INCENP: variants seen among roughly 807,000 people sequenced by gnomAD.
INCENP encodes inner centromere protein.
In INCENP, 43 loss-of-function variants were observed where a neutral mutation model predicts 107.3. That is an observed-to-expected ratio of 0.40 (90% CI 0.31 to 0.52). The LOEUF (loss-of-function observed/expected upper bound fraction) is 0.52. Ranked by LOEUF, INCENP falls within the 20% of genes least tolerant of loss-of-function variation. INCENP has a pLI of 0.53. For synonymous variants in INCENP, 488 were observed against 494.4 expected (o/e 0.99, Z 0.17); for missense variants, 1,089 against 1,250.9 (o/e 0.87, Z 1.95).
chr11:62,135,762 G>A (rs1209948597), intron 4 of INCENP, among the ~76,000 whole-genome samples: 1 of 152,122 alleles, frequency 6.6e-6, no homozygotes, highest in Non-Finnish European at 1.5e-5. Flanking sequence ...CCCTGCTGGT[G>A]GTGGATACGC....
In INCENP at chr11:62,130,326, C is replaced by T. The variant is rs753761854; in HGVS notation, c.799C>T (p.Arg267Trp). Residue 267 changes from arginine to tryptophan, a missense_variant, in exon 4 of 19, where the codon CGG (arginine) becomes TGG (tryptophan). Arg to Trp is a moderately radical substitution (Grantham distance 101). Transcript: ENST00000394818. The stretch of plus-strand genomic sequence containing the variant: ...GATTGCGCAGGTCTCCCCTGGCCCA[C>T]GGGACTCGCCAGCCTTTCCAGATTC... ...LRIAQVSPGP[R>W]DSPAFPDSPW... The T allele has an allele frequency of 1.7e-5, 28 of 1,611,460 alleles. No homozygotes were observed. The highest frequency in any genetic ancestry group is 3.3e-5 in the South Asian group (3 of 91,072).
chr11:62,133,656 G>T (rs1943935575), intron 4 of INCENP, among the ~76,000 whole-genome samples: 1 of 152,180 alleles, frequency 6.6e-6, no homozygotes, highest in Admixed American at 6.5e-5. Flanking sequence ...TTGTGCTGGT[G>T]GGAGAGCCAT....
intron 8 of INCENP, 73 bp from the exon 9 acceptor site, chr11:62,140,630 CG>C (rs1158715239): frequency 6.9e-6 from 9 of 1,296,002 alleles, no homozygotes; most frequent in South Asian, 2.6e-5. Context: ...TATTGTTCAC[CG>C]GGGTGACTTT....
chr11:62,151,036 T>C (rs896499992), intron 18 of INCENP, among the ~76,000 whole-genome samples: 2 of 152,164 alleles, frequency 1.3e-5, no homozygotes, highest in African/African-American at 4.8e-5. Flanking sequence ...ATTTGGGAGA[T>C]GGCAGTGAGC....
At position 62,130,531 on chromosome 11, in the gene INCENP, C is replaced by A. The variant is rs372846330; in HGVS notation, c.1004C>A (p.Ala335Glu). The A allele has an allele frequency of 6.2e-7, 1 of 1,614,026 alleles. No individual in the cohort carries two copies. Among genetic ancestry groups the A allele is most frequent in the Non-Finnish European group, 8.5e-7 (1 of 1,180,028 alleles). Residue 335 changes from alanine (A) to glutamate (E), a missense_variant, in exon 4 of 19, where the codon GCG (alanine) becomes GAG (glutamate). Transcript: ENST00000394818. ...AAACAGGAAAGTGTTGTCCGCAGGG[C>A]GAGCAGAAGGCTTGCCAAGAAGACT... ...VAKQESVVRR[A>E]SRRLAKKTAE...
At chr11:62,138,578 G>T in intron 5 of INCENP, 135 bp from the exon 6 acceptor site, 1 of 692,186 alleles carries the variant, frequency 1.4e-6, no homozygotes. Context: ...ACAGGGGGCT[G>T]TGGGTTCGTG....
rs1737820027 is a variant in INCENP, at chr11:62,124,107, C to G, written c.-68C>G. ...TGGGTCTGGGCAAGCGGGGCCTTAC[C>G]TAGGGATACCACCGGACTTGGATCG... On this transcript the variant is annotated 5_prime_UTR_variant, in exon 1 of 19. Transcript: ENST00000394818. 6.6e-6 allele frequency: 1 copy of G among 152,206 alleles called. No homozygotes were observed. The highest frequency in any genetic ancestry group is 1.5e-5 in the Non-Finnish European group (1 of 68,036). 9.4% of individuals were successfully genotyped at this position (152,206 alleles called of 1,614,324 possible).
intron 14 of INCENP, among the ~76,000 whole-genome samples, chr11:62,146,175 A>G (rs548606351): frequency 3.3e-5 from 5 of 152,294 alleles, no homozygotes; most frequent in African/African-American, 1.2e-4. Flanking sequence ...TTCTGCCTAT[A>G]AGAGTAAGGG....
intron 4 of INCENP, among the ~76,000 whole-genome samples, chr11:62,132,008 C>T (rs1044799178): frequency 6.6e-5 from 10 of 152,024 alleles, no homozygotes; most frequent in Admixed American, 5.9e-4. Flanking sequence ...AGGCTGGTTT[C>T]GAACTCCTGA....
At position 62,151,841 on chromosome 11, in the gene INCENP, A is replaced by G. The variant is rs1195591691; in HGVS notation, c.2622A>G (p.Pro874=). 5.0e-6 allele frequency: 8 copies of G among 1,614,050 alleles called. No individual in the cohort carries two copies. In the African/African-American group the frequency reaches 9.3e-5, roughly 19 times the overall value. ...NLLELFGTIL[P]LDLEDIFKKS... Reference sequence around the variant, plus strand: ...TGGAGCTCTTTGGAACCATTCTCCCACTGGACTTGGAGGATATCTTCAAGA... The same window carrying G: ...TGGAGCTCTTTGGAACCATTCTCCCGCTGGACTTGGAGGATATCTTCAAGA... Residue 874 remains proline, a synonymous_variant, in exon 19 of 19, where the codon CCA becomes CCG. Transcript: ENST00000394818.
intron 18 of INCENP, among the ~76,000 whole-genome samples, chr11:62,151,360 C>T (rs1029537972): frequency 6.6e-6 from 1 of 152,224 alleles, no homozygotes; most frequent in African/African-American, 2.4e-5. Flanking sequence ...AAGCAGCTGG[C>T]CAAGGTGGTC....
At chr11:62,124,541 GC>G (rs1222996409) in intron 1 of INCENP, among the ~76,000 whole-genome samples, 3 of 152,146 alleles carry the variant, frequency 2.0e-5, no homozygotes, top group Non-Finnish European at 4.4e-5. Flanking sequence ...CTCTCTCAAC[GC>G]CCCCGCCCCC....
At chr11:62,151,326 A>C (rs530099807) in intron 18 of INCENP, among the ~76,000 whole-genome samples, 1 of 152,304 alleles carries the variant, frequency 6.6e-6, no homozygotes, top group African/African-American at 2.4e-5. Context: ...TCAGCACTGC[A>C]CCAGGGCCTG....
chr11:62,124,520 C>T (rs1943708530), intron 1 of INCENP, among the ~76,000 whole-genome samples: 1 of 152,238 alleles, frequency 6.6e-6, no homozygotes, highest in Non-Finnish European at 1.5e-5. Flanking sequence ...CATTTCTGTG[C>T]AGTTAAACCC....
rs1675133 is a variant in INCENP, at chr11:62,129,887, C to T, written c.360C>T (p.Val120=). ...LATVVGENGS[V]LRRVTRAAAA... is the part of the protein sequence containing the mutation. ...CAGTGGTCGGGGAGAACGGCTCCGT[C>T]CTGCGGCGTGTGACCCGTGCTGCGG... Residue 120 remains valine, a synonymous_variant, in exon 4 of 19, where the codon GTC becomes GTT. Transcript: ENST00000394818. 987,728 of 1,613,214 alleles carry T rather than the reference C, an allele frequency of 0.61. 322,490 individuals carry two copies. The highest frequency in any genetic ancestry group is 0.68 in the Non-Finnish European group (807,714 of 1,179,936).
intron 1 of INCENP, 106 bp from the exon 2 acceptor site, chr11:62,128,044 TG>T: frequency 9.0e-7 from 1 of 1,108,422 alleles, no homozygotes; most frequent in Non-Finnish European, 1.3e-6. Context: ...GTTCGGGCAC[TG>T]GGTGTTTGTG....
Position 62,130,120 on chromosome 11 carries a change from C to G in INCENP, c.593C>G (p.Pro198Arg). ...GAGCCTCTGCCCCGCACTCTGTCCC[C>G]GACTCCAGCTTCAGCCACAGCTCCA... ...STEPLPRTLS[P>R]TPASATAPTS... Residue 198 changes from proline to arginine, a missense_variant, in exon 4 of 19, where the codon CCG becomes CGG. Coordinates refer to ENST00000394818, the MANE Select transcript of INCENP (RefSeq NM_001040694.2). The G allele has an allele frequency of 6.2e-7, 1 of 1,613,692 alleles. No homozygotes were observed.
At position 62,152,053 on chromosome 11, in the gene INCENP, C is replaced by A; in HGVS notation, c.*77C>A. ...TCTGTCTGTCGGTCTCTGTCTTGGT[C>A]TGTTGCCCTCCTTCTTGGCATGCCA... On this transcript the variant is annotated 3_prime_UTR_variant, in exon 19 of 19. Transcript: ENST00000394818. 1 of 1,119,200 alleles carries A rather than the reference C, an allele frequency of 8.9e-7. No individual in the cohort carries two copies. Among genetic ancestry groups the A allele is most frequent in the Non-Finnish European group, 1.3e-6 (1 of 775,802 alleles). The allele number at this position is 1,119,200 out of a possible 1,614,324, so 69.3% of individuals were successfully genotyped here.
chr11:62,144,368 A>G (rs542128661), intron 11 of INCENP, among the ~76,000 whole-genome samples: 2 of 152,042 alleles, frequency 1.3e-5, no homozygotes, highest in African/African-American at 2.4e-5. Flanking sequence ...GTGCATAGCC[A>G]TGTCACAGGA....
Sources: gnomAD v4.1 joint callset for allele counts (sites outside exome capture counted in the v4.1 genomes callset) on GRCh38, gnomAD v4.1.1 for gene constraint, MANE v1.5 for transcripts, NCBI Gene and HGNC (gene_info 2026-07-23, HGNC 2026-07-21) for gene names.